The following BDP1 variants were observed in gnomAD, a reference collection of about 807,000 sequenced individuals.
The protein encoded by BDP1 is transcription factor TFIIIB component B'' homolog.
BDP1 carries 169 observed loss-of-function variants against 266.6 expected under a neutral mutation model. The observed-to-expected ratio is 0.63, with a 90% confidence interval of 0.56 to 0.72. BDP1 has a LOEUF of 0.72. BDP1 is among the 30% of genes least tolerant of loss of function. BDP1 has a pLI of 0.00. For synonymous variants in BDP1, 1,090 were observed against 1,022.4 expected (o/e 1.07, Z -1.26); for missense variants, 3,015 against 3,053.8 (o/e 0.99, Z 0.30).
intron 34 of BDP1, among the ~76,000 whole-genome samples, chr5:71,551,537 C>T (rs1008790378): frequency 2.6e-5 from 4 of 151,946 alleles, no homozygotes; most frequent in African/African-American, 2.4e-5. Flanking sequence ...GGCAACCATC[C>T]GATTTCTCAA....
In BDP1 at chr5:71,478,549, A is replaced by G. The variant is rs138686448; in HGVS notation, c.1015-5293A>G. Among the ~76,000 whole-genome samples, 18 of 152,162 alleles carry G rather than the reference A, an allele frequency of 1.2e-4. No individual in the cohort carries two copies. The East Asian group carries it at 3.3e-3, about 28-fold the overall frequency. ...GTTTTTTCTTTTTGGTCTTTTAAAG[A>G]TGTCATTGTATCGTCTCCTGGCTTT... On this transcript the variant is annotated intron_variant, in intron 7 of 38. Transcript: ENST00000358731.
At chr5:71,509,402 A>G in intron 16 of BDP1, 63 bp from the exon 17 acceptor site, 1 of 1,465,994 alleles carries the variant, frequency 6.8e-7, no homozygotes. Flanking sequence ...TTTCTCAAAC[A>G]TCATCTCTTC....
Position 71,495,316 on chromosome 5 carries a change from A to T in BDP1, c.1707A>T (p.Ser569=). The part of the protein sequence containing the change: ...SSESSTSDLP[S]FEVGIRALCE... ...AATCAAGCACTTCAGATTTGCCTTC[A>T]TTCGAAGTTGGAATTAGAGCATTGT... Residue 569 remains serine (S), a synonymous_variant, in exon 12 of 39, where the codon TCA becomes TCT. Transcript: ENST00000358731. The T allele has an allele frequency of 6.2e-7, 1 of 1,608,158 alleles. No homozygotes were observed.
chr5:71,462,578 A>G (rs2150349219), intron 3 of BDP1, among the ~76,000 whole-genome samples: 1 of 151,728 alleles, frequency 6.6e-6, no homozygotes, highest in South Asian at 2.1e-4. Context: ...ACATGGTGAA[A>G]CCCTGTCTCT....
At position 71,456,110 on chromosome 5, in the gene BDP1, G is replaced by T. The variant is rs145970733; in HGVS notation, c.212+21G>T. Reference sequence around the variant, plus strand: ...AGCAGGTAAGAGGTTGCAGAGGGAAGAATTTTCATTTGTCCCGCCTCTCCG... The same window carrying T: ...AGCAGGTAAGAGGTTGCAGAGGGAATAATTTTCATTTGTCCCGCCTCTCCG... On this transcript the variant is annotated intron_variant, in intron 1 of 38. Coordinates refer to ENST00000358731, the MANE Select transcript of BDP1 (RefSeq NM_018429.3). 51 of 1,597,504 alleles carry T rather than the reference G, an allele frequency of 3.2e-5. No individual in the cohort carries two copies. In the African/African-American group the frequency reaches 5.8e-4, roughly 18 times the overall value.
At chr5:71,484,800 G>A (rs923197214) in intron 8 of BDP1, among the ~76,000 whole-genome samples, 1 of 151,746 alleles carries the variant, frequency 6.6e-6, no homozygotes, top group Non-Finnish European at 1.5e-5. Context: ...TGTATTCAAT[G>A]TCCATTTAGT....
intron 2 of BDP1, among the ~76,000 whole-genome samples, chr5:71,461,144 T>C (rs967447539): frequency 6.6e-6 from 1 of 152,102 alleles, no homozygotes; most frequent in African/African-American, 2.4e-5. Flanking sequence ...CACATCCAGC[T>C]AATTTTTTTG....
intron 24 of BDP1, among the ~76,000 whole-genome samples, chr5:71,523,169 C>G (rs995045397): frequency 5.9e-5 from 9 of 152,122 alleles, no homozygotes; most frequent in African/African-American, 2.2e-4. Flanking sequence ...CTATAGTTTT[C>G]AAAGAAAATG....
chr5:71,519,609 T>TTC (rs1343896070), intron 22 of BDP1, among the ~76,000 whole-genome samples: 1 of 152,234 alleles, frequency 6.6e-6, no homozygotes, highest in Non-Finnish European at 1.5e-5. Flanking sequence ...TGACCTCTAG[T>TTC]TCCATCTATG....
chr5:71,550,396 C>G (rs1039957053), intron 34 of BDP1, among the ~76,000 whole-genome samples: 2 of 152,032 alleles, frequency 1.3e-5, no homozygotes, highest in African/African-American at 4.8e-5. Context: ...AAAAGATCCT[C>G]ATGCCTCAGC....
chr5:71,544,879 CAAAAAAAAA>C (rs141573220), intron 31 of BDP1, among the ~76,000 whole-genome samples, 151 bp from the exon 32 acceptor site: 29 of 28,492 alleles, frequency 1.0e-3, no homozygotes, highest in African/African-American at 3.9e-3. Flanking sequence ...GACTCTGTCT[CAAAAAAAAA>C]AAAAAAAAAA....
chr5:71,470,516 A>G (rs781554029), intron 7 of BDP1, 27 bp downstream of exon 7: 5 of 1,421,788 alleles, frequency 3.5e-6, no homozygotes, highest in Non-Finnish European at 4.9e-6. Flanking sequence ...ACATTTGTTG[A>G]TTGGAAAGAG....
chr5:71,524,460 TA>T, intron 25 of BDP1, 137 bp downstream of exon 25: 7 of 988,310 alleles, frequency 7.1e-6, no homozygotes, highest in Non-Finnish European at 1.0e-5. Flanking sequence ...CTCTACCAAA[TA>T]TAATTTGGGG....
At chr5:71,484,744 A>G (rs1053886107) in intron 8 of BDP1, among the ~76,000 whole-genome samples, 3 of 152,126 alleles carry the variant, frequency 2.0e-5, no homozygotes, top group Non-Finnish European at 2.9e-5. Context: ...GGACAGGAAT[A>G]TATTTTTTGT....
chr5:71,574,463 C>T, the BDP1 span, among the ~76,000 whole-genome samples: 5 of 152,174 alleles, frequency 3.3e-5, no homozygotes, highest in African/African-American at 1.2e-4. Flanking sequence ...CCCGGAGGCA[C>T]ATTGGTTCCT....
chr5:71,561,349 C>T (rs148772434), intron 37 of BDP1, among the ~76,000 whole-genome samples: 2,352 of 152,066 alleles, frequency 0.015, 22 homozygotes, highest in African/African-American at 0.022. Context: ...TGCGGTGAGC[C>T]GAGATTGTGC....
intron 35 of BDP1, 152 bp from the exon 36 acceptor site, chr5:71,556,734 C>A: frequency 2.2e-6 from 1 of 456,220 alleles, no homozygotes; most frequent in Non-Finnish European, 3.9e-6. Context: ...AAAATAGTAG[C>A]AATATTTTTG....
chr5:71,571,952 G>A (rs191326990), downstream of BDP1, among the ~76,000 whole-genome samples: 2 of 152,300 alleles, frequency 1.3e-5, no homozygotes, highest in East Asian at 3.9e-4. Flanking sequence ...TCCACTGGAG[G>A]CTACATGATC....
chr5:71,534,024 A>G (rs1766430813), intron 26 of BDP1, among the ~76,000 whole-genome samples: 1 of 152,138 alleles, frequency 6.6e-6, no homozygotes, highest in Non-Finnish European at 1.5e-5. Flanking sequence ...ATTTGCAAAT[A>G]TTTCCTCCCT....
Sources: gnomAD v4.1 joint callset for allele counts (sites outside exome capture counted in the v4.1 genomes callset) on GRCh38, gnomAD v4.1.1 for gene constraint, MANE v1.5 for transcripts, NCBI Gene and HGNC (gene_info 2026-07-23, HGNC 2026-07-21) for gene names.